The following UBE2E2 variants were observed in gnomAD, a reference collection of about 807,000 sequenced individuals.
The protein encoded by UBE2E2 is ubiquitin conjugating enzyme E2 E2.
A neutral mutation model predicts 24.7 loss-of-function variants in UBE2E2; 6 were observed. The ratio of observed to expected loss-of-function variants is 0.24; its 90% confidence interval spans 0.13 to 0.48. The LOEUF is 0.48. UBE2E2 is among the 20% of genes least tolerant of loss of function. The pLI is 0.99. For synonymous variants in UBE2E2, 104 were observed against 83.6 expected, an observed-to-expected ratio of 1.24 and a Z score of -1.33; for missense variants, 169 against 245.0, an observed-to-expected ratio of 0.69 and a Z score of 2.07.
intron 3 of UBE2E2, among the ~76,000 whole-genome samples, chr3:23,488,373 G>A (rs181577040): frequency 9.9e-5 from 15 of 151,910 alleles, no homozygotes; most frequent in Admixed American, 2.6e-4. Context: ...CTACCGCCCC[G>A]CCGACAGGCC....
intron 3 of UBE2E2, among the ~76,000 whole-genome samples, chr3:23,423,673 A>G (rs1013572088): frequency 1.1e-4 from 17 of 152,250 alleles, no homozygotes; most frequent in African/African-American, 4.1e-4. Context: ...AGTGATTGTA[A>G]TAGGTACTAG....
At chr3:23,577,992 T>C (rs1249621817) in intron 5 of UBE2E2, among the ~76,000 whole-genome samples, 1 of 149,692 alleles carries the variant, frequency 6.7e-6, no homozygotes, top group Non-Finnish European at 1.5e-5. Flanking sequence ...AAGCCCACGG[T>C]TGAGACCTAC....
At chr3:23,537,831 G>A (rs1489826977) in intron 5 of UBE2E2, among the ~76,000 whole-genome samples, 1 of 152,126 alleles carries the variant, frequency 6.6e-6, no homozygotes, top group Non-Finnish European at 1.5e-5. Context: ...ACAATTGATA[G>A]TGACTGCTGG....
At position 23,305,708 on chromosome 3, in the gene UBE2E2, T is replaced by C. The variant is rs114396343; in HGVS notation, c.227+88396T>C. 6.6e-5 allele frequency among the ~76,000 whole-genome samples: 10 copies of C among 152,290 alleles called. No homozygotes were observed. The East Asian group carries it at 1.9e-3, about 29-fold the overall frequency. On this transcript the variant is annotated intron_variant, in intron 3 of 5. Coordinates refer to ENST00000396703, the MANE Select transcript of UBE2E2 (RefSeq NM_152653.4). ...TAATGGTCCCCTTTTCTTACAGTTA[T>C]TAAAATGTAGTAACCATTCTTTTTA...
At chr3:23,230,038 T>C (rs1449375238) in intron 3 of UBE2E2, among the ~76,000 whole-genome samples, 3 of 152,194 alleles carry the variant, frequency 2.0e-5, no homozygotes, top group Non-Finnish European at 4.4e-5. Flanking sequence ...TAAATACATA[T>C]ATACATAACT....
chr3:23,339,622 T>C (rs9821681), intron 3 of UBE2E2, among the ~76,000 whole-genome samples: 6,345 of 152,112 alleles, frequency 0.042, 455 homozygotes, highest in African/African-American at 0.14. Flanking sequence ...GAAGAGGAGA[T>C]GATATGGTGG....
chr3:23,421,867 C>G (rs1266383838), intron 3 of UBE2E2, among the ~76,000 whole-genome samples: 3 of 152,240 alleles, frequency 2.0e-5, no homozygotes, highest in Non-Finnish European at 2.9e-5. Flanking sequence ...AAGAAATTAT[C>G]TAATGGGTAC....
intron 3 of UBE2E2, among the ~76,000 whole-genome samples, chr3:23,475,468 C>T (rs1699107385): frequency 1.3e-5 from 2 of 152,148 alleles, no homozygotes; most frequent in South Asian, 4.1e-4. Flanking sequence ...ATACCTCAGT[C>T]ACTATAAAGC....
At chr3:23,587,839 G>T (rs1696662286) in intron 5 of UBE2E2, among the ~76,000 whole-genome samples, 1 of 152,194 alleles carries the variant, frequency 6.6e-6, no homozygotes, top group African/African-American at 2.4e-5. Context: ...AAATGAAGAA[G>T]AATCACAAAG....
chr3:23,240,427 C>T (rs1418469292), intron 3 of UBE2E2, among the ~76,000 whole-genome samples: 1 of 152,182 alleles, frequency 6.6e-6, no homozygotes, highest in Non-Finnish European at 1.5e-5. Context: ...CAATGTGTAG[C>T]TGCATGGCAG....
intron 3 of UBE2E2, among the ~76,000 whole-genome samples, chr3:23,254,497 A>C (rs1697660673): frequency 1.3e-5 from 2 of 152,172 alleles, no homozygotes; most frequent in South Asian, 4.1e-4. Context: ...CAGAGATGAA[A>C]AAGCCTGTGT....
chr3:23,287,717 C>T (rs756164088), intron 3 of UBE2E2, among the ~76,000 whole-genome samples: 2 of 148,276 alleles, frequency 1.3e-5, no homozygotes, highest in Non-Finnish European at 3.0e-5. Context: ...TATCTTTGCT[C>T]ATAGTGCCCC....
At position 23,589,777 on chromosome 3, in the gene UBE2E2, C is replaced by T; in HGVS notation, c.552C>T (p.Asn184=). The change falls in exon 6 of 6, where the codon AAC becomes AAT. Residue 184 remains asparagine, a synonymous_variant. Transcript: ENST00000396703. This position sits in a 1 kb window ranked among gnomAD's most constrained non-coding sequence, Gnocchi z 4.1. ...GCATCGCCACACAGTACATGACCAA[C>T]AGAGCAGAGCATGACCGGATGGCCA... ...VGSIATQYMT[N]RAEHDRMARQ... The T allele has an allele frequency of 6.2e-7, 1 of 1,614,212 alleles. No homozygotes were observed. Among genetic ancestry groups the T allele is most frequent in the Non-Finnish European group, 8.5e-7 (1 of 1,180,028 alleles).
chr3:23,286,965 G>C (rs1698628911), intron 3 of UBE2E2, among the ~76,000 whole-genome samples: 1 of 151,992 alleles, frequency 6.6e-6, no homozygotes, highest in African/African-American at 2.4e-5. Context: ...GGCATATGGA[G>C]ATGCTTTTAT....
intron 3 of UBE2E2, among the ~76,000 whole-genome samples, chr3:23,243,199 G>A (rs184535923): frequency 1.1e-3 from 175 of 152,184 alleles, no homozygotes; most frequent in African/African-American, 3.9e-3. Flanking sequence ...TCCAAAGGAC[G>A]CCATCCTAGT....
intron 3 of UBE2E2, among the ~76,000 whole-genome samples, chr3:23,410,639 T>A (rs1164181837): frequency 1.3e-5 from 2 of 152,210 alleles, no homozygotes; most frequent in Admixed American, 6.5e-5. Context: ...ATATGTATTA[T>A]CTGCCCTTAA....
intron 3 of UBE2E2, among the ~76,000 whole-genome samples, chr3:23,429,772 A>T (rs1698012544): frequency 6.6e-6 from 1 of 152,252 alleles, no homozygotes; most frequent in South Asian, 2.1e-4. Flanking sequence ...TAGAAAACCG[A>T]AAAGAATCGA....
At chr3:23,424,242 A>G (rs1697872811) in intron 3 of UBE2E2, among the ~76,000 whole-genome samples, 1 of 152,172 alleles carries the variant, frequency 6.6e-6, no homozygotes, top group Non-Finnish European at 1.5e-5. Context: ...GAAAAGCTAC[A>G]TAATCTGCAG....
intron 3 of UBE2E2, among the ~76,000 whole-genome samples, chr3:23,310,168 G>A (rs1476923438): frequency 1.3e-5 from 2 of 152,000 alleles, no homozygotes; most frequent in Non-Finnish European, 2.9e-5. Flanking sequence ...CAGATACTAA[G>A]TTTCACAGGT....
Sources: gnomAD v4.1 joint callset for allele counts (sites outside exome capture counted in the v4.1 genomes callset) on GRCh38, gnomAD v4.1.1 for gene constraint, Gnocchi (gnomAD v3.1) non-coding constraint, MANE v1.5 for transcripts, NCBI Gene and HGNC (gene_info 2026-07-23, HGNC 2026-07-21) for gene names.